SENP6: variants seen among roughly 807,000 people sequenced by gnomAD.
SENP6 encodes the protein sentrin-specific protease 6.
Under a neutral mutation model 134.5 loss-of-function variants are expected in SENP6, and 41 were observed. The observed-to-expected ratio is 0.30, with a 90% CI of 0.24 to 0.40. The LOEUF is 0.40. SENP6 is among the 10% of genes least tolerant of loss of function. The pLI, the probability that SENP6 is intolerant of heterozygous loss-of-function variation, is 1.00. For missense variants in SENP6, 1,248 were observed against 1,312.5 expected (o/e 0.95, Z 0.76); for synonymous variants, 395 against 429.8 (o/e 0.92, Z 1.00).
chr6:75,699,424 G>C lies in SENP6; in HGVS notation c.2288+1907G>C, dbSNP rs1167159109. Among the ~76,000 whole-genome samples, 4 of 143,118 alleles carry C rather than the reference G, an allele frequency of 2.8e-5. No individual in the cohort carries two copies. The Admixed American group carries it at 2.9e-4, about 11-fold the overall frequency. 93.9% of individuals were successfully genotyped at this position (143,118 alleles called of 152,430 possible). A position where few individuals can be genotyped will look rare whatever the true frequency, so the allele number is the denominator to read the frequency against. On this transcript the variant is annotated intron_variant, in intron 18 of 23. Transcript: ENST00000447266. ...ATACACTAATTATGTTAGATTGGCT[G>C]CCATATATTTGTCATCTGTTTTGTT...
At chr6:75,692,454 C>G (rs921557559) in intron 16 of SENP6, among the ~76,000 whole-genome samples, 6 of 144,930 alleles carry the variant, frequency 4.1e-5, no homozygotes, top group Admixed American at 6.8e-5. Flanking sequence ...ACCCTTGTCT[C>G]TACAAAAACA....
chr6:75,712,758 T>C (rs953887287), intron 21 of SENP6, among the ~76,000 whole-genome samples: 5 of 152,124 alleles, frequency 3.3e-5, no homozygotes. Flanking sequence ...TCTAAACTAA[T>C]TATTTCATGT....
chr6:75,645,445 A>C (rs1024609729), intron 6 of SENP6, among the ~76,000 whole-genome samples: 1 of 152,152 alleles, frequency 6.6e-6, no homozygotes, highest in Non-Finnish European at 1.5e-5. Flanking sequence ...GTGAAACACC[A>C]TCTCTACTAA....
chr6:75,670,586 C>T lies in SENP6; in HGVS notation c.1258C>T (p.Arg420Cys), dbSNP rs765902820. ...TTCTATTATCAACACACCTCTGAAA[C>T]GTCGTAAAGTGTTTTCTCAAGAACC... is the stretch of plus-strand genomic sequence containing the variant. The part of the protein sequence containing the change: ...GNSIINTPLK[R>C]RKVFSQEPPD... Residue 420 changes from arginine to cysteine, a missense_variant, in exon 11 of 24, where the codon CGT becomes TGT. Around this residue, in one of 3 missense-constraint regions of SENP6, gnomAD observed 733 missense variants for 725.4 expected, o/e 1.01. Coordinates refer to ENST00000447266, the MANE Select transcript of SENP6 (RefSeq NM_015571.4). 3.1e-6 allele frequency: 5 copies of T among 1,611,284 alleles called. No individual in the cohort carries two copies. Among genetic ancestry groups the T allele is most frequent in the East Asian group, 4.5e-5 (2 of 44,774 alleles).
At chr6:75,686,385 G>T (rs1773842308) in intron 16 of SENP6, among the ~76,000 whole-genome samples, 1 of 152,184 alleles carries the variant, frequency 6.6e-6, no homozygotes, top group Non-Finnish European at 1.5e-5. Flanking sequence ...GGGGCATTTA[G>T]CCCATTTACA....
At chr6:75,688,271 G>C (rs1187207689) in intron 16 of SENP6, among the ~76,000 whole-genome samples, 1 of 152,196 alleles carries the variant, frequency 6.6e-6, no homozygotes, top group Non-Finnish European at 1.5e-5. Flanking sequence ...ATTTGGGCGG[G>C]AGTGTCCCAT....
intron 7 of SENP6, among the ~76,000 whole-genome samples, chr6:75,651,096 G>T (rs1408149614): frequency 6.6e-6 from 1 of 152,018 alleles, no homozygotes; most frequent in Non-Finnish European, 1.5e-5. Flanking sequence ...AAGTCCTGTT[G>T]CTTTTTTATT....
At position 75,602,584 on chromosome 6, in the gene SENP6, T is replaced by G; in HGVS notation, c.52+8T>G. ...AGATTACTTTTCTGGAAGGTACGTC[T>G]GTTTCTGCCCTTGACGGGGAGAAGG... On this transcript the variant is annotated splice_region_variant and intron_variant, in intron 1 of 23. Transcript: ENST00000447266. 1.3e-6 allele frequency: 2 copies of G among 1,551,278 alleles called. No homozygotes were observed. Among genetic ancestry groups the G allele is most frequent in the African/African-American group, 1.4e-5 (1 of 73,172 alleles).
intron 3 of SENP6, among the ~76,000 whole-genome samples, chr6:75,631,683 C>G (rs921965364): frequency 6.6e-6 from 1 of 152,162 alleles, no homozygotes; most frequent in Admixed American, 6.6e-5. Flanking sequence ...CACTTTTGTG[C>G]TACAACAACA....
At chr6:75,643,831 G>A (rs534358521) in intron 6 of SENP6, among the ~76,000 whole-genome samples, 3 of 152,124 alleles carry the variant, frequency 2.0e-5, no homozygotes, top group Non-Finnish European at 4.4e-5. Flanking sequence ...AAATAAATAA[G>A]ACTTGATTCA....
intron 5 of SENP6, among the ~76,000 whole-genome samples, chr6:75,636,419 C>T (rs1446469832): frequency 6.6e-6 from 1 of 152,100 alleles, no homozygotes; most frequent in Non-Finnish European, 1.5e-5. Flanking sequence ...AAAGACAAGT[C>T]ATTGAGAGTT....
intron 7 of SENP6, among the ~76,000 whole-genome samples, chr6:75,656,707 A>G (rs769572345): frequency 1.2e-4 from 18 of 152,184 alleles, no homozygotes; most frequent in South Asian, 8.3e-4. Context: ...AACACTATCA[A>G]TCATTTACCA....
chr6:75,618,323 A>G (rs1375485206), intron 1 of SENP6, among the ~76,000 whole-genome samples: 1 of 152,154 alleles, frequency 6.6e-6, no homozygotes, highest in Non-Finnish European at 1.5e-5. Context: ...TTTAGGAGTT[A>G]TAACCCAATG....
chr6:75,711,620 C>G (rs779266151), intron 21 of SENP6, among the ~76,000 whole-genome samples: 1 of 152,090 alleles, frequency 6.6e-6, no homozygotes, highest in Non-Finnish European at 1.5e-5. Context: ...GCCAGTTTCC[C>G]CAGCCTCTGC....
At chr6:75,631,972 G>A (rs1480714867) in intron 3 of SENP6, among the ~76,000 whole-genome samples, 3 of 152,158 alleles carry the variant, frequency 2.0e-5, no homozygotes, top group African/African-American at 7.2e-5. Flanking sequence ...CTTTGATTGT[G>A]TTGCCAGGAC....
intron 1 of SENP6, among the ~76,000 whole-genome samples, chr6:75,607,469 G>T (rs577749633): frequency 4.5e-4 from 69 of 151,918 alleles, no homozygotes; most frequent in Non-Finnish European, 4.9e-4. Context: ...TCACTCTGGG[G>T]GCTCTAACAA....
At position 75,715,970 on chromosome 6, in the gene SENP6, A is replaced by T. The variant is rs180702801; in HGVS notation, c.*376A>T. 6.4e-6 allele frequency: 1 copy of T among 156,972 alleles called. No homozygotes were observed. The highest frequency in any genetic ancestry group is 6.4e-5 in the Admixed American group (1 of 15,508). The allele number at this position is 156,972 out of a possible 1,614,324, so 9.7% of individuals were successfully genotyped here. On this transcript the variant is annotated 3_prime_UTR_variant, in exon 24 of 24. Transcript: ENST00000447266. ...TTCCTCAGTGGGTGTGACATATTTCATGGGAATATTCAAATATCTATGGTA... is the reference window on the plus strand; with the variant it reads ...TTCCTCAGTGGGTGTGACATATTTCTTGGGAATATTCAAATATCTATGGTA...
intron 5 of SENP6, chr6:75,635,172 A>G (rs1769418166): frequency 3.8e-6 from 1 of 264,826 alleles, no homozygotes; most frequent in South Asian, 4.3e-5. Flanking sequence ...TACTTTCTTT[A>G]TAAGGCTTAT....
intron 20 of SENP6, among the ~76,000 whole-genome samples, chr6:75,710,529 C>G (rs1775689087): frequency 6.6e-6 from 1 of 152,102 alleles, no homozygotes; most frequent in Admixed American, 6.6e-5. Flanking sequence ...TTCCAGTGAA[C>G]AAAAGGCATT....
Sources: allele counts gnomAD v4.1 joint callset (sites outside exome capture counted in the v4.1 genomes callset), GRCh38; gene constraint gnomAD v4.1.1; regional missense constraint gnomAD v4.1.1; transcripts MANE v1.5; gene names NCBI Gene and HGNC (gene_info 2026-07-23, HGNC 2026-07-21).